The following PDE1C variants were observed in gnomAD, a reference collection of about 807,000 sequenced individuals.
PDE1C encodes the protein phosphodiesterase 1C.
A neutral mutation model predicts 93.1 loss-of-function variants in PDE1C; 62 were observed. The observed-to-expected ratio is 0.67, with a 90% CI of 0.54 to 0.82. PDE1C has a LOEUF of 0.82. Ranked by LOEUF, PDE1C falls within the 40% of genes least tolerant of loss-of-function variation. The probability of loss-of-function intolerance (pLI) is 0.00; values close to 1 mark genes in which losing one functional copy is unlikely to be tolerated. For synonymous variants in PDE1C, 325 were observed against 310.1 expected (o/e 1.05, Z -0.50); for missense variants, 742 against 884.6 (o/e 0.84, Z 2.04).
At chr7:32,034,387 A>C (rs1176598274) in intron 2 of PDE1C, among the ~76,000 whole-genome samples, 4 of 152,112 alleles carry the variant, frequency 2.6e-5, no homozygotes, top group Non-Finnish European at 5.9e-5. Flanking sequence ...AATGAAGAAA[A>C]GCTGATTTGT....
At chr7:31,968,460 G>T (rs1324527978) in intron 2 of PDE1C, among the ~76,000 whole-genome samples, 2 of 151,936 alleles carry the variant, frequency 1.3e-5, no homozygotes, top group Non-Finnish European at 2.9e-5. Flanking sequence ...AAATAAAAGA[G>T]GATACAAACA....
intron 9 of PDE1C, among the ~76,000 whole-genome samples, chr7:31,840,498 A>C (rs1436317609): frequency 6.6e-6 from 1 of 152,116 alleles, no homozygotes; most frequent in African/African-American, 2.4e-5. Flanking sequence ...AAAATGCTTC[A>C]TGCTTTTTCT....
intron 17 of PDE1C, among the ~76,000 whole-genome samples, chr7:31,769,307 C>T (rs1795331346): frequency 6.6e-6 from 1 of 152,212 alleles, no homozygotes; most frequent in East Asian, 1.9e-4. Context: ...CAGTTGATTA[C>T]TTGCAACTTC....
At chr7:31,620,991 G>A in the PDE1C span, among the ~76,000 whole-genome samples, 3 of 151,906 alleles carry the variant, frequency 2.0e-5, no homozygotes, top group Non-Finnish European at 4.4e-5. Flanking sequence ...GCGATCAACT[G>A]GAAGAAAGGG....
intron 1 of PDE1C, among the ~76,000 whole-genome samples, chr7:32,376,137 G>A (rs1784428330): frequency 6.6e-6 from 1 of 151,938 alleles, no homozygotes; most frequent in African/African-American, 2.4e-5. Context: ...TGCCTGCCTG[G>A]GTGACAGCGA....
chr7:31,769,361 C>A (rs112823121), intron 17 of PDE1C, among the ~76,000 whole-genome samples: 125 of 152,252 alleles, frequency 8.2e-4, no homozygotes, highest in African/African-American at 3.0e-3. Flanking sequence ...GTTTCCTCAC[C>A]CTTGATGTAG....
chr7:31,668,433 T>C, the PDE1C span, among the ~76,000 whole-genome samples: 3 of 151,996 alleles, frequency 2.0e-5, no homozygotes, highest in Admixed American at 1.3e-4. Context: ...CAAATTTTCA[T>C]CAACTGATGA....
At chr7:31,725,781 T>A in the PDE1C span, among the ~76,000 whole-genome samples, 15,637 of 152,182 alleles carry the variant, frequency 0.1, 943 homozygotes, top group East Asian at 0.24. Context: ...ATCTCAAAAT[T>A]AAAGTTTTTT....
the PDE1C span, among the ~76,000 whole-genome samples, chr7:31,720,423 TCA>T: frequency 6.6e-6 from 1 of 152,136 alleles, no homozygotes; most frequent in African/African-American, 2.4e-5. Context: ...GCGTCTCTGC[TCA>T]CACTCAGCCC....
intron 7 of PDE1C, among the ~76,000 whole-genome samples, chr7:31,857,101 C>A (rs1794119893): frequency 6.6e-6 from 1 of 152,122 alleles, no homozygotes; most frequent in Non-Finnish European, 1.5e-5. Flanking sequence ...GCCATCTCTC[C>A]AAATACAGTC....
At chr7:32,070,514 C>T, upstream of PDE1C, 1 of 1,515,330 alleles carries the variant, frequency 6.6e-7, no homozygotes, top group East Asian at 2.4e-5. Flanking sequence ...GGCACTTTCT[C>T]GGCGCGCTCC....
At chr7:32,056,623 T>C (rs768667951) in intron 1 of PDE1C, among the ~76,000 whole-genome samples, 4 of 152,058 alleles carry the variant, frequency 2.6e-5, no homozygotes, top group Non-Finnish European at 5.9e-5. Context: ...GAGAGTTAAA[T>C]GTAATGATGA....
chr7:31,991,751 G>A (rs1272066308), intron 2 of PDE1C, among the ~76,000 whole-genome samples: 1 of 152,194 alleles, frequency 6.6e-6, no homozygotes, highest in African/African-American at 2.4e-5. Context: ...TGTGTGGTAT[G>A]TATAAAGCCA....
chr7:32,158,066 T>C (rs778302325), intron 3 of PDE1C, among the ~76,000 whole-genome samples: 6 of 152,172 alleles, frequency 3.9e-5, no homozygotes, highest in Non-Finnish European at 8.8e-5. Flanking sequence ...CATGTAATTA[T>C]ACAATTATAA....
chr7:32,073,181 T>A (rs188686804), upstream of PDE1C, among the ~76,000 whole-genome samples: 256 of 152,288 alleles, frequency 1.7e-3, 4 homozygotes, highest in Non-Finnish European at 4.4e-4. Context: ...AGGAAAGAAA[T>A]CGACTTTTGC....
intron 3 of PDE1C, among the ~76,000 whole-genome samples, chr7:32,139,216 A>G (rs1584837058): frequency 6.6e-6 from 1 of 151,384 alleles, no homozygotes; most frequent in Non-Finnish European, 1.5e-5. Context: ...GCTCACTGCA[A>G]CCTTGAACTA....
chr7:32,019,465 G>A (rs1788364790), intron 2 of PDE1C, among the ~76,000 whole-genome samples: 2 of 152,122 alleles, frequency 1.3e-5, no homozygotes, highest in South Asian at 2.1e-4. Context: ...CCATGCTAGC[G>A]AGCTCAGACT....
intron 16 of PDE1C, among the ~76,000 whole-genome samples, chr7:31,793,627 A>G (rs769467773): frequency 1.4e-4 from 22 of 151,932 alleles, no homozygotes; most frequent in Non-Finnish European, 2.6e-4. Flanking sequence ...AACCAAAACC[A>G]ATTTGAAATG....
At chr7:31,719,894 G>T in the PDE1C span, among the ~76,000 whole-genome samples, 1 of 152,128 alleles carries the variant, frequency 6.6e-6, no homozygotes, top group Non-Finnish European at 1.5e-5. Flanking sequence ...TTTGTTCAAA[G>T]GAAATCATAC....
Sources: allele counts gnomAD v4.1 joint callset (sites outside exome capture counted in the v4.1 genomes callset), GRCh38; gene constraint gnomAD v4.1.1; transcripts MANE v1.5; gene names NCBI Gene and HGNC (gene_info 2026-07-23, HGNC 2026-07-21).